Variants in LGMN observed in about 807,000 individuals in gnomAD.
The protein encoded by LGMN is asparaginyl endopeptidase.
Under a neutral mutation model 56.8 loss-of-function variants are expected in LGMN, and 36 were observed. That is an observed-to-expected ratio of 0.63 (90% CI 0.49 to 0.84). The LOEUF (loss-of-function observed/expected upper bound fraction) is 0.84, where lower values mean the gene tolerates loss of function less well. Ranked by LOEUF, LGMN falls within the 40% of genes least tolerant of loss-of-function variation. The probability of loss-of-function intolerance (pLI) is 0.00; values close to 1 mark genes in which losing one functional copy is unlikely to be tolerated. For missense variants in LGMN, 446 were observed against 556.1 expected, an observed-to-expected ratio of 0.80 and a Z score of 1.99; for synonymous variants, 199 against 210.1, an observed-to-expected ratio of 0.95 and a Z score of 0.46.
chr14:92,711,775 C>T, intron 9 of LGMN, 27 bp from the exon 10 acceptor site: 1 of 1,612,318 alleles, frequency 6.2e-7, no homozygotes, highest in Non-Finnish European at 8.5e-7. Flanking sequence ...CATTAGAGAC[C>T]TTTGACAATC....
At chr14:92,715,929 A>C in intron 5 of LGMN, 1 of 398,330 alleles carries the variant, frequency 2.5e-6, no homozygotes, top group South Asian at 3.5e-5. Flanking sequence ...CCTGGATCAT[A>C]AGGTGAATTC....
At chr14:92,712,730 G>T in intron 8 of LGMN, 75 bp downstream of exon 8, 1 of 1,387,718 alleles carries the variant, frequency 7.2e-7, no homozygotes, top group Non-Finnish European at 1.0e-6. Flanking sequence ...TACGGAGAAT[G>T]CTCAGTTCCA....
intron 2 of LGMN, among the ~76,000 whole-genome samples, chr14:92,726,901 C>CATG (rs1474897258): frequency 6.6e-6 from 1 of 152,208 alleles, no homozygotes; most frequent in African/African-American, 2.4e-5. Flanking sequence ...CTGACTTGAA[C>CATG]ATGAGCACGT....
In LGMN at chr14:92,719,140, GCCACCA is replaced by G. The variant is rs1324637634; in HGVS notation, c.139-302_139-297del. On this transcript the variant is annotated intron_variant, in intron 2 of 13. Transcript: ENST00000334869. ...CCCCACCACCACAACCACCGCCACC[GCCACCA>G]CCACCGCCACTGCCACCACCACCAC... 8.2e-5 allele frequency among the ~76,000 whole-genome samples: 11 copies of G among 134,450 alleles called. No homozygotes were observed. The South Asian group carries it at 1.0e-3, about 12-fold the overall frequency. 88.2% of individuals were successfully genotyped at this position (134,450 alleles called of 152,430 possible).
chr14:92,735,029 A>G (rs924271822), intron 1 of LGMN, among the ~76,000 whole-genome samples: 1 of 152,326 alleles, frequency 6.6e-6, no homozygotes, highest in Non-Finnish European at 1.5e-5. Context: ...TGAAGAAACC[A>G]TCTTCAATGT....
chr14:92,719,859 G>A (rs1281590157), intron 2 of LGMN, among the ~76,000 whole-genome samples: 1 of 152,200 alleles, frequency 6.6e-6, no homozygotes. Flanking sequence ...TTGCCTGTCT[G>A]CTTACATTTA....
At chr14:92,722,654 C>T (rs906820563) in intron 2 of LGMN, among the ~76,000 whole-genome samples, 1 of 151,904 alleles carries the variant, frequency 6.6e-6, no homozygotes. Context: ...CTTCCAAAGA[C>T]ATTATTAAAA....
intron 2 of LGMN, among the ~76,000 whole-genome samples, chr14:92,728,977 C>T (rs1890886002): frequency 6.6e-6 from 1 of 152,160 alleles, no homozygotes; most frequent in Non-Finnish European, 1.5e-5. Flanking sequence ...AGCCTTCTTC[C>T]ACCAGTATGT....
intron 2 of LGMN, among the ~76,000 whole-genome samples, chr14:92,724,695 G>C (rs1417379572): frequency 6.6e-6 from 1 of 152,246 alleles, no homozygotes; most frequent in Non-Finnish European, 1.5e-5. Context: ...TGGCTGGTTT[G>C]ATAGCTTGTG....
In LGMN at chr14:92,717,382, C is replaced by T; in HGVS notation, c.316G>A (p.Glu106Lys). ...CTCCAACCGTAGAAGCCACTCACCT[C>T]TCCAGTGTAGTCCTTCGGGACTCCC... ...YQGVPKDYTG[E>K]DVTPQNFLAV... is the part of the protein sequence containing the mutation. Residue 106 changes from glutamate (E) to lysine (K), a missense_variant and splice_region_variant, in exon 4 of 14, where the codon GAG becomes AAG. Coordinates refer to ENST00000334869, the MANE Select transcript of LGMN (RefSeq NM_005606.7). The T allele has an allele frequency of 6.2e-7, 1 of 1,600,474 alleles. No individual in the cohort carries two copies. The highest frequency in any genetic ancestry group is 1.1e-5 in the South Asian group (1 of 90,022).
At position 92,706,533 on chromosome 14, in the gene LGMN, C is replaced by G. The variant is rs1320070014; in HGVS notation, c.1141G>C (p.Glu381Gln). ...APLTGHSCYP[E>Q]ALLHFRTHCF... ...TGGGTCCGGAAGTGCAGCAGGGCCT[C>G]TGGGTAGCAGCTGTGCCCCGTGAGC... The change falls in exon 12 of 14, where the codon GAG (glutamate) becomes CAG (glutamine). Residue 381 changes from glutamate (E) to glutamine (Q), a missense_variant. Transcript: ENST00000334869. 6.3e-7 allele frequency: 1 copy of G among 1,594,484 alleles called. No homozygotes were observed. Among genetic ancestry groups the G allele is most frequent in the Admixed American group, 1.7e-5 (1 of 59,596 alleles).
chr14:92,743,555 A>G (rs1248588491), intron 1 of LGMN, among the ~76,000 whole-genome samples: 1 of 151,900 alleles, frequency 6.6e-6, no homozygotes, highest in Non-Finnish European at 1.5e-5. Flanking sequence ...TAATTCGAAC[A>G]CTTTGAGAGG....
At chr14:92,748,067 C>A (rs1234004810) in intron 1 of LGMN, among the ~76,000 whole-genome samples, 1 of 152,108 alleles carries the variant, frequency 6.6e-6, no homozygotes, top group African/African-American at 2.4e-5. Flanking sequence ...ATAGCCCTTT[C>A]CCACGGGTGC....
intron 2 of LGMN, among the ~76,000 whole-genome samples, chr14:92,719,375 ACACCGC>A (rs1566924911): frequency 1.3e-5 from 1 of 78,264 alleles, no homozygotes; most frequent in African/African-American, 5.6e-5. Flanking sequence ...ACCACCACCA[ACACCGC>A]CACCAACACC....
chr14:92,716,054 C>T, intron 5 of LGMN, 82 bp downstream of exon 5: 1 of 912,962 alleles, frequency 1.1e-6, no homozygotes, highest in Non-Finnish European at 1.7e-6. Context: ...AGGCTAGGGG[C>T]ACAGAACAAC....
chr14:92,736,218 C>T (rs183376921), intron 1 of LGMN, among the ~76,000 whole-genome samples: 1 of 152,248 alleles, frequency 6.6e-6, no homozygotes, highest in East Asian at 1.9e-4. Flanking sequence ...GATGTGCCTG[C>T]TACAAGGCAA....
chr14:92,706,534 T>C lies in LGMN; in HGVS notation c.1140A>G (p.Pro380=), dbSNP rs761182966. Residue 380 remains proline, a synonymous_variant, in exon 12 of 14, where the codon CCA becomes CCG. Transcript: ENST00000334869. Reference sequence around the variant, plus strand: ...GGGTCCGGAAGTGCAGCAGGGCCTCTGGGTAGCAGCTGTGCCCCGTGAGCG... The same window carrying C: ...GGGTCCGGAAGTGCAGCAGGGCCTCCGGGTAGCAGCTGTGCCCCGTGAGCG... ...RAPLTGHSCY[P]EALLHFRTHC... The C allele has an allele frequency of 1.4e-5, 22 of 1,594,614 alleles. 1 individual carries two copies. The highest frequency in any genetic ancestry group is 8.4e-5 in the Admixed American group (5 of 59,588).
At position 92,740,252 on chromosome 14, in the gene LGMN, AAAAG is replaced by A. The variant is rs749775052; in HGVS notation, c.-29-7441_-29-7438del. Among the ~76,000 whole-genome samples, 48 of 152,292 alleles carry A rather than the reference AAAAG, an allele frequency of 3.2e-4. No individual in the cohort carries two copies. In the East Asian group the frequency reaches 7.3e-3, roughly 23 times the overall value. ...AACAAGAGCAAAACTCCGTCTCAAA[AAAAG>A]AAAGAAAGAAAGAAAGACTCCCAGA... On this transcript the variant is annotated intron_variant, in intron 1 of 13. Transcript: ENST00000334869.
At position 92,723,008 on chromosome 14, in the gene LGMN, A is replaced by G. The variant is rs544869876; in HGVS notation, c.139-4164T>C. On this transcript the variant is annotated intron_variant, in intron 2 of 13. Coordinates refer to ENST00000334869, the MANE Select transcript of LGMN (RefSeq NM_005606.7). ...GGAAACGAGCGTTATAGTTTCTCAA[A>G]GAGTCAAACATAAATTTACCATGTG... Among the ~76,000 whole-genome samples the G allele has an allele frequency of 2.4e-4, 36 of 152,336 alleles. No homozygotes were observed. In the South Asian group the frequency reaches 7.2e-3, roughly 31 times the overall value.
Sources: allele counts gnomAD v4.1 joint callset (sites outside exome capture counted in the v4.1 genomes callset), GRCh38; gene constraint gnomAD v4.1.1; transcripts MANE v1.5; gene names NCBI Gene and HGNC (gene_info 2026-07-23, HGNC 2026-07-21).